The following CCSER1 variants were observed in gnomAD, a reference collection of about 807,000 sequenced individuals.
CCSER1 encodes serine-rich coiled-coil domain-containing protein 1.
In CCSER1, 41 loss-of-function variants were observed where a neutral mutation model predicts 82.0. That is an observed-to-expected ratio of 0.50 (90% CI 0.39 to 0.65). The LOEUF (loss-of-function observed/expected upper bound fraction) is 0.65, where lower values mean the gene tolerates loss of function less well. Among genes scored for constraint, CCSER1 ranks in the 30% least tolerant of loss-of-function variants. CCSER1 has a pLI of 0.00. For missense variants in CCSER1, 1,119 were observed against 1,064.2 expected (o/e 1.05, Z -0.72); for synonymous variants, 414 against 383.9 (o/e 1.08, Z -0.92).
intron 8 of CCSER1, among the ~76,000 whole-genome samples, chr4:90,914,399 G>A (rs1396114192): frequency 6.6e-6 from 1 of 152,078 alleles, no homozygotes; most frequent in Non-Finnish European, 1.5e-5. Flanking sequence ...TGACTGCTCG[G>A]TACATAACTA....
chr4:90,971,373 A>G (rs1372780197), intron 9 of CCSER1, among the ~76,000 whole-genome samples: 4 of 151,942 alleles, frequency 2.6e-5, no homozygotes, highest in Non-Finnish European at 5.9e-5. Flanking sequence ...CTCACTCACT[A>G]TCACAAGAAT....
chr4:90,620,726 A>G (rs1722158803), intron 5 of CCSER1, among the ~76,000 whole-genome samples: 1 of 152,196 alleles, frequency 6.6e-6, no homozygotes, highest in African/African-American at 2.4e-5. Flanking sequence ...AAAAAACCCA[A>G]AAACATAATC....
intron 9 of CCSER1, among the ~76,000 whole-genome samples, chr4:91,041,790 A>G (rs1741976588): frequency 6.6e-6 from 1 of 152,208 alleles, no homozygotes; most frequent in African/African-American, 2.4e-5. Flanking sequence ...CACATGAATT[A>G]TAATGCTGCC....
chr4:90,323,449 C>T (rs955042224), intron 3 of CCSER1, among the ~76,000 whole-genome samples: 2 of 152,198 alleles, frequency 1.3e-5, no homozygotes, highest in African/African-American at 4.8e-5. Flanking sequence ...TCTCCTCTGG[C>T]AGGAGGGGAA....
intron 5 of CCSER1, among the ~76,000 whole-genome samples, chr4:90,579,553 G>A (rs1221736775): frequency 2.6e-5 from 4 of 152,024 alleles, no homozygotes; most frequent in African/African-American, 7.2e-5. Flanking sequence ...GTATCCATCT[G>A]CTTATATATA....
At chr4:90,901,008 T>TA (rs2150149393) in intron 8 of CCSER1, among the ~76,000 whole-genome samples, 1 of 152,124 alleles carries the variant, frequency 6.6e-6, no homozygotes, top group Admixed American at 6.6e-5. Flanking sequence ...TAAATCTTCT[T>TA]AAATTGAATC....
intron 6 of CCSER1, among the ~76,000 whole-genome samples, chr4:90,686,258 T>A (rs1221943895): frequency 6.6e-6 from 1 of 152,084 alleles, no homozygotes; most frequent in Non-Finnish European, 1.5e-5. Flanking sequence ...TTTAATGACC[T>A]CTGCCATGAA....
intron 6 of CCSER1, among the ~76,000 whole-genome samples, chr4:90,688,253 C>G (rs1457722509): frequency 6.6e-6 from 1 of 151,968 alleles, no homozygotes; most frequent in East Asian, 1.9e-4. Flanking sequence ...CATTTCATAC[C>G]CTTATGCATT....
intron 1 of CCSER1, among the ~76,000 whole-genome samples, chr4:90,208,822 C>T (rs940220295): frequency 4.6e-5 from 7 of 152,076 alleles, no homozygotes; most frequent in Non-Finnish European, 8.8e-5. Flanking sequence ...GCTCGCCCTC[C>T]GTGGGCTGCA....
chr4:91,040,612 CTG>C (rs1741878880), intron 9 of CCSER1, among the ~76,000 whole-genome samples: 3 of 152,142 alleles, frequency 2.0e-5, no homozygotes. Flanking sequence ...GCAAGCCAGG[CTG>C]TGTTGAGGCT....
intron 9 of CCSER1, among the ~76,000 whole-genome samples, chr4:90,995,212 C>G (rs1737390172): frequency 6.6e-6 from 1 of 152,098 alleles, no homozygotes; most frequent in Non-Finnish European, 1.5e-5. Context: ...TCAAGGTTAG[C>G]ATTGAACATT....
At chr4:90,267,802 G>A (rs1019533346) in intron 1 of CCSER1, among the ~76,000 whole-genome samples, 1 of 152,158 alleles carries the variant, frequency 6.6e-6, no homozygotes, top group Non-Finnish European at 1.5e-5. Context: ...ATGCAGATAT[G>A]GCTTCAGTGA....
chr4:90,410,551 A>AG (rs1418704613), intron 4 of CCSER1, among the ~76,000 whole-genome samples: 5 of 152,198 alleles, frequency 3.3e-5, no homozygotes, highest in African/African-American at 7.2e-5. Flanking sequence ...AATGAAATGA[A>AG]GCAGAAATAA....
intron 9 of CCSER1, among the ~76,000 whole-genome samples, chr4:91,084,470 AG>A: frequency 6.6e-6 from 1 of 152,256 alleles, no homozygotes; most frequent in South Asian, 2.1e-4. Context: ...AATTTGTTAA[AG>A]GGCATAGAGA....
chr4:91,258,793 T>G (rs1442074181), intron 10 of CCSER1, among the ~76,000 whole-genome samples: 1 of 152,164 alleles, frequency 6.6e-6, no homozygotes, highest in Non-Finnish European at 1.5e-5. Context: ...ATCTAAATGC[T>G]TTATAAATAT....
At chr4:91,218,508 C>G (rs988580780) in intron 10 of CCSER1, among the ~76,000 whole-genome samples, 2 of 152,218 alleles carry the variant, frequency 1.3e-5, no homozygotes, top group African/African-American at 4.8e-5. Context: ...AGGGCTCTGA[C>G]GACTGCCAGC....
intron 5 of CCSER1, among the ~76,000 whole-genome samples, chr4:90,478,005 A>T (rs2153595468): frequency 1.3e-5 from 2 of 152,294 alleles, no homozygotes; most frequent in South Asian, 4.1e-4. Context: ...TGAAGTCTAG[A>T]AACCTGATTG....
chr4:90,431,818 G>T (rs28479052), intron 4 of CCSER1, among the ~76,000 whole-genome samples: 453 of 152,168 alleles, frequency 3.0e-3, no homozygotes, highest in African/African-American at 0.011. Flanking sequence ...AATGTTTATG[G>T]CTGACAAATG....
At chr4:91,066,019 C>A (rs1213382091) in intron 9 of CCSER1, among the ~76,000 whole-genome samples, 1 of 152,066 alleles carries the variant, frequency 6.6e-6, no homozygotes, top group African/African-American at 2.4e-5. Context: ...TTAAAATTTT[C>A]TTTGCGTTTT....
Sources: allele counts gnomAD v4.1 joint callset (sites outside exome capture counted in the v4.1 genomes callset), GRCh38; gene constraint gnomAD v4.1.1; transcripts MANE v1.5; gene names NCBI Gene and HGNC (gene_info 2026-07-23, HGNC 2026-07-21).